The following MAGEA12 variants were observed in gnomAD, a reference collection of about 807,000 sequenced individuals.
MAGEA12 encodes melanoma-associated antigen 12.
For synonymous variants in MAGEA12, 135 were observed against 104.7 expected, an observed-to-expected ratio of 1.29 and a Z score of -1.77; for missense variants, 235 against 240.1, an observed-to-expected ratio of 0.98 and a Z score of 0.14.
In MAGEA12 at chrX:152,736,567, C is replaced by T; in HGVS notation, c.406C>T (p.Leu136=). 8.3e-7 allele frequency: 1 copy of T among 1,211,784 alleles called. No homozygotes were observed. Among genetic ancestry groups the T allele is most frequent in the Non-Finnish European group, 1.1e-6 (1 of 895,527 alleles). The change falls in exon 3 of 3, where the codon CTG becomes TTG. Residue 136 remains leucine, a synonymous_variant. Coordinates refer to ENST00000393869, the MANE Select transcript of MAGEA12 (RefSeq NM_001166387.4). Reference sequence around the variant, plus strand: ...GGAGCCATTCACAAAGGCAGAAATGCTGGGGAGTGTCATCAGAAATTTCCA... The same window carrying T: ...GGAGCCATTCACAAAGGCAGAAATGTTGGGGAGTGTCATCAGAAATTTCCA... ...AREPFTKAEM[L]GSVIRNFQDF...
chrX:152,734,124 G>A (rs1442701232), intron 1 of MAGEA12: 1 of 95,462 alleles, frequency 1.0e-5, no homozygotes, highest in Non-Finnish European at 2.2e-5. Context: ...CCCAAGAGGG[G>A]ACTGAGGGTA....
chrX:152,736,184 A>G lies in MAGEA12; in HGVS notation c.23A>G (p.Gln8Arg). The change falls in exon 3 of 3, where the codon CAG (glutamine) becomes CGG (arginine). Residue 8 changes from glutamine (Q) to arginine (R), a missense_variant. Gln to Arg is a conservative substitution (Grantham distance 43, BLOSUM62 1). Coordinates refer to ENST00000393869, the MANE Select transcript of MAGEA12 (RefSeq NM_001166387.4). ...ATCATGCCACTTGAGCAGAGGAGTC[A>G]GCACTGCAAGCCTGAGGAAGGCCTT... MPLEQRSQHCKPEEGLEA... is the reference protein window; with the variant it reads MPLEQRSRHCKPEEGLEA... 8.3e-7 allele frequency: 1 copy of G among 1,211,875 alleles called. No homozygotes were observed. Among genetic ancestry groups the G allele is most frequent in the Non-Finnish European group, 1.1e-6 (1 of 895,498 alleles).
chrX:152,735,504 G>A (rs1219545125), intron 2 of MAGEA12, among the ~76,000 whole-genome samples: 1 of 112,003 alleles, frequency 8.9e-6, no homozygotes, highest in Non-Finnish European at 1.9e-5. Flanking sequence ...AAGCAGGCTC[G>A]TCACCCAGGA....
chrX:152,734,739 CT>C (rs1932266924), intron 1 of MAGEA12, among the ~76,000 whole-genome samples: 1 of 112,137 alleles, frequency 8.9e-6, no homozygotes, highest in Admixed American at 9.3e-5. Flanking sequence ...AGGAGTGGCA[CT>C]TCAGGTCAGC....
At position 152,736,313 on chromosome X, in the gene MAGEA12, G is replaced by C. The variant is rs1488921787; in HGVS notation, c.152G>C (p.Arg51Pro). ...TCTACTCTAGTGGAAGTCACCCTGC[G>C]GGAGGTGCCTGCTGCCGAGTCACCA... ...SSSTLVEVTL[R>P]EVPAAESPSP... Residue 51 changes from arginine (R) to proline (P), a missense_variant, in exon 3 of 3, where the codon CGG becomes CCG. Arg to Pro is a moderately radical substitution (Grantham distance 103). Transcript: ENST00000393869. 1 of 1,211,443 alleles carries C rather than the reference G, an allele frequency of 8.3e-7. No individual in the cohort carries two copies.
At position 152,736,484 on chromosome X, in the gene MAGEA12, C is replaced by T; in HGVS notation, c.323C>T (p.Ala108Val). ...FPDLETSFQV[A>V]LSRKMAELVH... The stretch of plus-strand genomic sequence containing the variant: ...GACCTGGAGACGAGCTTCCAAGTAG[C>T]ACTCAGTAGGAAGATGGCTGAGTTG... The change falls in exon 3 of 3, where the codon GCA becomes GTA. Residue 108 changes from alanine (A) to valine (V), a missense_variant. By Grantham distance (64) the Ala-to-Val change is moderately conservative (BLOSUM62 0). Coordinates refer to ENST00000393869, the MANE Select transcript of MAGEA12 (RefSeq NM_001166387.4). 1 of 1,212,012 alleles carries T rather than the reference C, an allele frequency of 8.3e-7. No homozygotes were observed. The highest frequency in any genetic ancestry group is 1.1e-6 in the Non-Finnish European group (1 of 895,543).
Position 152,736,956 on chromosome X carries a change from T to A in MAGEA12, c.795T>A (p.Asp265Glu), listed in dbSNP as rs1556225609. 2 of 1,211,999 alleles carry A rather than the reference T, an allele frequency of 1.7e-6. No individual in the cohort carries two copies. The highest frequency in any genetic ancestry group is 4.3e-5 in the Admixed American group (2 of 46,073). Reference protein sequence around the residue: ...YLEYRQVPGSDPACYEFLWGP... With the variant: ...YLEYRQVPGSEPACYEFLWGP... ...AGTACCGGCAGGTCCCCGGCAGTGATCCTGCATGCTACGAGTTCCTGTGGG... is the reference window on the plus strand; with the variant it reads ...AGTACCGGCAGGTCCCCGGCAGTGAACCTGCATGCTACGAGTTCCTGTGGG... The change falls in exon 3 of 3, where the codon GAT becomes GAA. Residue 265 changes from aspartate (D) to glutamate (E), a missense_variant. By Grantham distance (45) the Asp-to-Glu change is conservative. Transcript: ENST00000393869.
At position 152,736,189 on chromosome X, in the gene MAGEA12, T is replaced by C. The variant is rs1932315515; in HGVS notation, c.28T>C (p.Cys10Arg). 3 of 1,211,820 alleles carry C rather than the reference T, an allele frequency of 2.5e-6. No homozygotes were observed. MPLEQRSQHCKPEEGLEAQG... is the reference protein window; with the variant it reads MPLEQRSQHRKPEEGLEAQG... Reference sequence around the variant, plus strand: ...GCCACTTGAGCAGAGGAGTCAGCACTGCAAGCCTGAGGAAGGCCTTGAGGC... The same window carrying C: ...GCCACTTGAGCAGAGGAGTCAGCACCGCAAGCCTGAGGAAGGCCTTGAGGC... The change falls in exon 3 of 3, where the codon TGC becomes CGC. Residue 10 changes from cysteine to arginine, a missense_variant. Transcript: ENST00000393869.
At chrX:152,735,990 C>A in intron 2 of MAGEA12, 97 bp from the exon 3 acceptor site, 1 of 513,344 alleles carries the variant, frequency 1.9e-6, no homozygotes, top group Non-Finnish European at 3.2e-6. Context: ...CATGGGACTC[C>A]AGAGCGCCTG....
At position 152,737,070 on chromosome X, in the gene MAGEA12, C is replaced by T. The variant is rs782696182; in HGVS notation, c.909C>T (p.Pro303=). 2.1e-4 allele frequency: 250 copies of T among 1,209,885 alleles called. 4 individuals are homozygous for T. In the South Asian group the frequency reaches 4.2e-3, roughly 20 times the overall value. Residue 303 remains proline (P), a synonymous_variant, in exon 3 of 3, where the codon CCC becomes CCT. Transcript: ENST00000393869. ...GAGGACCTCACATTTCCTACCCACCCCTGCATGAATGGGCTTTTAGAGAGG... is the reference window on the plus strand; with the variant it reads ...GAGGACCTCACATTTCCTACCCACCTCTGCATGAATGGGCTTTTAGAGAGG... ...ISGGPHISYP[P]LHEWAFREGE...
rs1932352132 is a variant in MAGEA12, at chrX:152,737,351, A to T, written c.*245A>T. On this transcript the variant is annotated 3_prime_UTR_variant, in exon 3 of 3. Coordinates refer to ENST00000393869, the MANE Select transcript of MAGEA12 (RefSeq NM_001166387.4). ...AACGGATGGTTGAATGAACTTCAGCATCCAAGTTTATGAATGACAGTAGTC... is the reference window on the plus strand; with the variant it reads ...AACGGATGGTTGAATGAACTTCAGCTTCCAAGTTTATGAATGACAGTAGTC... 3 of 498,707 alleles carry T rather than the reference A, an allele frequency of 6.0e-6. No individual in the cohort carries two copies. Among genetic ancestry groups the T allele is most frequent in the Non-Finnish European group, 1.1e-5 (3 of 269,094 alleles). 41.1% of individuals were successfully genotyped at this position (498,707 alleles called of 1,213,427 possible). A position where few individuals can be genotyped will look rare whatever the true frequency, so the allele number is the denominator to read the frequency against.
rs782553848 is a variant in MAGEA12, at chrX:152,736,986, A to T, written c.825A>T (p.Pro275=). 5 of 1,211,992 alleles carry T rather than the reference A, an allele frequency of 4.1e-6. No homozygotes were observed. The East Asian group carries it at 1.5e-4, about 36-fold the overall frequency. The change falls in exon 3 of 3, where the codon CCA becomes CCT. Residue 275 remains proline (P), a synonymous_variant. Transcript: ENST00000393869. ...DPACYEFLWG[P]RALVETSYVK... is the part of the protein sequence containing the mutation. ...CATGCTACGAGTTCCTGTGGGGTCC[A>T]AGGGCCCTCGTTGAAACCAGCTATG...
intron 1 of MAGEA12, among the ~76,000 whole-genome samples, chrX:152,734,775 C>T (rs1163944362): frequency 4.5e-5 from 5 of 112,244 alleles, no homozygotes; most frequent in African/African-American, 9.7e-5. Context: ...CAGGATCTGC[C>T]GGACCCAAGG....
Position 152,736,243 on chromosome X carries a change from G to T in MAGEA12, c.82G>T (p.Ala28Ser). 2.5e-6 allele frequency: 3 copies of T among 1,211,623 alleles called. No individual in the cohort carries two copies. Among genetic ancestry groups the T allele is most frequent in the Non-Finnish European group, 2.2e-6 (2 of 895,452 alleles). Residue 28 changes from alanine (A) to serine (S), a missense_variant, in exon 3 of 3, where the codon GCG becomes TCG. By Grantham distance (99) the Ala-to-Ser change is moderately conservative. Coordinates refer to ENST00000393869, the MANE Select transcript of MAGEA12 (RefSeq NM_001166387.4). Reference sequence around the variant, plus strand: ...AGGAGAGGCCCTGGGCTTGGTGGGTGCGCAGGCTCCTGCTACTGAGGAGCA... The same window carrying T: ...AGGAGAGGCCCTGGGCTTGGTGGGTTCGCAGGCTCCTGCTACTGAGGAGCA... ...AQGEALGLVG[A>S]QAPATEEQET...
rs1388712438 is a variant in MAGEA12, at chrX:152,736,263, G to A, written c.102G>A (p.Glu34=). The stretch of plus-strand genomic sequence containing the variant: ...TGGGTGCGCAGGCTCCTGCTACTGA[G>A]GAGCAGGAGACTGCCTCCTCCTCCT... ...GLVGAQAPAT[E]EQETASSSST... is the part of the protein sequence containing the mutation. The change falls in exon 3 of 3, where the codon GAG becomes GAA. Residue 34 remains glutamate, a synonymous_variant. Transcript: ENST00000393869. 21 of 1,209,772 alleles carry A rather than the reference G, an allele frequency of 1.7e-5. No individual in the cohort carries two copies. Among genetic ancestry groups the A allele is most frequent in the African/African-American group, 1.2e-4 (7 of 56,983 alleles).
Position 152,736,961 on chromosome X carries a change from C to A in MAGEA12, c.800C>A (p.Ala267Glu). The change falls in exon 3 of 3, where the codon GCA becomes GAA. Residue 267 changes from alanine to glutamate, a missense_variant. Coordinates refer to ENST00000393869, the MANE Select transcript of MAGEA12 (RefSeq NM_001166387.4). ...EYRQVPGSDPACYEFLWGPRA... is the reference protein window; with the variant it reads ...EYRQVPGSDPECYEFLWGPRA... ...CGGCAGGTCCCCGGCAGTGATCCTG[C>A]ATGCTACGAGTTCCTGTGGGGTCCA... The A allele has an allele frequency of 8.2e-7, 1 of 1,212,141 alleles. No homozygotes were observed. The highest frequency in any genetic ancestry group is 1.7e-5 in the African/African-American group (1 of 57,865).
chrX:152,734,556 G>C (rs1932261321), intron 1 of MAGEA12, among the ~76,000 whole-genome samples: 1 of 111,769 alleles, frequency 8.9e-6, no homozygotes, highest in Admixed American at 9.4e-5. Context: ...CTTCAGCAGG[G>C]AGTTGGAGCC....
rs1188749173 is a variant in MAGEA12 at position 152,735,183 on chromosome X, G to A, written c.-146G>A. Reference sequence around the variant, plus strand: ...GTTGAGGACCTTTTCTTCAGAGGGTGACTCAGGTCAACACAGGGGCCCCCA... The same window carrying A: ...GTTGAGGACCTTTTCTTCAGAGGGTAACTCAGGTCAACACAGGGGCCCCCA... On this transcript the variant is annotated 5_prime_UTR_variant, in exon 2 of 3. Transcript: ENST00000393869. 3 of 115,369 alleles carry A rather than the reference G, an allele frequency of 2.6e-5. No individual in the cohort carries two copies. The highest frequency in any genetic ancestry group is 5.6e-5 in the Non-Finnish European group (3 of 53,243). The allele number at this position is 115,369 out of a possible 1,213,427, so 9.5% of individuals were successfully genotyped here.
At position 152,736,359 on chromosome X, in the gene MAGEA12, G is replaced by C. The variant is rs1932322556; in HGVS notation, c.198G>C (p.Gln66His). The change falls in exon 3 of 3, where the codon CAG (glutamine) becomes CAC (histidine). Residue 66 changes from glutamine to histidine, a missense_variant. By Grantham distance (24) the Gln-to-His change is conservative (BLOSUM62 0). Transcript: ENST00000393869. ...CACCAAGTCCTCCCCACAGTCCTCA[G>C]GGAGCCTCCACCCTCCCCACTACCA... The part of the protein sequence containing the change: ...AESPSPPHSP[Q>H]GASTLPTTIN... 4.1e-6 allele frequency: 5 copies of C among 1,209,275 alleles called. No individual in the cohort carries two copies. The highest frequency in any genetic ancestry group is 5.6e-6 in the Non-Finnish European group (5 of 894,988).
Sources: gnomAD v4.1 joint callset for allele counts (sites outside exome capture counted in the v4.1 genomes callset) on GRCh38, gnomAD v4.1.1 for gene constraint, MANE v1.5 for transcripts, NCBI Gene and HGNC (gene_info 2026-07-23, HGNC 2026-07-21) for gene names.